Variants in KMT2A observed in about 807,000 individuals in gnomAD.
KMT2A encodes lysine methyltransferase 2A, also known as histone-lysine N-methyltransferase 2A.
In KMT2A, 16 loss-of-function variants were observed where a neutral mutation model predicts 345.3. The ratio of observed to expected loss-of-function variants is 0.05; its 90% CI spans 0.03 to 0.07. The LOEUF (loss-of-function observed/expected upper bound fraction) is 0.07, where lower values mean the gene tolerates loss of function less well. KMT2A is among the 10% of genes least tolerant of loss of function. The pLI is 1.00. For synonymous variants in KMT2A, 1,599 were observed against 1,778.6 expected, an observed-to-expected ratio of 0.90 and a Z score of 2.54; for missense variants, 3,272 against 4,841.6, an observed-to-expected ratio of 0.68 and a Z score of 9.62.
intron 11 of KMT2A, among the ~76,000 whole-genome samples, chr11:118,489,050 C>T (rs953546690): frequency 2.0e-5 from 3 of 151,834 alleles, no homozygotes; most frequent in Non-Finnish European, 4.4e-5. Context: ...GGTGAAACCC[C>T]ATCTCTACTA....
chr11:118,448,782 G>C (rs887303558), intron 1 of KMT2A: 1 of 152,108 alleles, frequency 6.6e-6, no homozygotes, highest in Admixed American at 6.6e-5. Context: ...AAATGCCTGG[G>C]GTTCATAGGT....
At chr11:118,474,432 G>A in intron 3 of KMT2A, 117 bp downstream of exon 3, 3 of 1,290,486 alleles carry the variant, frequency 2.3e-6, no homozygotes, top group Admixed American at 5.5e-5. Context: ...AAAGTATGGT[G>A]GAGGCAGTGG....
chr11:118,510,531 T>G lies in KMT2A; in HGVS notation c.11071+413T>G, dbSNP rs1950665557. On this transcript the variant is annotated intron_variant, in intron 30 of 35. Transcript: ENST00000534358. The surrounding 1 kb of genome is among the most constrained non-coding windows in gnomAD (Gnocchi z 4.1). ...TCCAGCTCACCCTTCAAGATCCAGCTCAGACGGTCTTCCCTGACCTTCTGA... is the reference window on the plus strand; with the variant it reads ...TCCAGCTCACCCTTCAAGATCCAGCGCAGACGGTCTTCCCTGACCTTCTGA... Among the ~76,000 whole-genome samples, 1 of 152,144 alleles carries G rather than the reference T, an allele frequency of 6.6e-6. No homozygotes were observed. The highest frequency in any genetic ancestry group is 2.4e-5 in the African/African-American group (1 of 41,414).
At position 118,501,035 on chromosome 11, in the gene KMT2A, A is replaced by G. The variant is rs781851230; in HGVS notation, c.6207A>G (p.Val2069=). The G allele has an allele frequency of 1.9e-6, 3 of 1,614,000 alleles. 1 individual carries two copies. In the South Asian group the frequency reaches 3.3e-5, roughly 18 times the overall value. ...WSTTDARKRC[V]YTCKIVECRP... is the part of the protein sequence containing the mutation. Reference sequence around the variant, plus strand: ...CCACAGATGCTCGCAAGCGCTGTGTATATACATGCAAGATAGTGGAGTGCC... The same window carrying G: ...CCACAGATGCTCGCAAGCGCTGTGTGTATACATGCAAGATAGTGGAGTGCC... The change falls in exon 25 of 36, where the codon GTA becomes GTG. Residue 2069 remains valine (V), a synonymous_variant. Transcript: ENST00000534358.
In KMT2A at chr11:118,484,339, G is replaced by C. The variant is rs188216921; in HGVS notation, c.4218+25G>C. ...GGTAAAGGTGTTCAGTGATCATAAAGTATATTGAGTGTCAAAGACTTTAAA... is the reference window on the plus strand; with the variant it reads ...GGTAAAGGTGTTCAGTGATCATAAACTATATTGAGTGTCAAAGACTTTAAA... On this transcript the variant is annotated intron_variant, in intron 9 of 35. Coordinates refer to ENST00000534358, the MANE Select transcript of KMT2A (RefSeq NM_001197104.2). This position sits in a 1 kb window ranked among gnomAD's most constrained non-coding sequence, Gnocchi z 4.1. 7 of 1,609,838 alleles carry C rather than the reference G, an allele frequency of 4.3e-6. No homozygotes were observed. The highest frequency in any genetic ancestry group is 5.1e-6 in the Non-Finnish European group (6 of 1,178,038).
chr11:118,489,353 A>G (rs1950288499), intron 11 of KMT2A, among the ~76,000 whole-genome samples: 1 of 152,122 alleles, frequency 6.6e-6, no homozygotes, highest in Non-Finnish European at 1.5e-5. Flanking sequence ...GGGTCCTGGA[A>G]CCAATCCCCC....
At chr11:118,464,462 G>A (rs1949803667) in intron 1 of KMT2A, among the ~76,000 whole-genome samples, 1 of 151,492 alleles carries the variant, frequency 6.6e-6, no homozygotes, top group African/African-American at 2.4e-5. Context: ...TTGAACCCAA[G>A]AGGCAGAGGT....
At chr11:118,483,369 A>T (rs955195050) in intron 8 of KMT2A, among the ~76,000 whole-genome samples, 15 of 136 alleles carry the variant, frequency 0.11, no homozygotes, top group Admixed American at 0.4. Flanking sequence ...TGTCTCTACT[A>T]AAAATACAAA....
chr11:118,484,456 C>G lies in KMT2A; in HGVS notation c.4218+142C>G, dbSNP rs972393806. On this transcript the variant is annotated intron_variant, in intron 9 of 35. Transcript: ENST00000534358. The surrounding 1 kb of genome is among the most constrained non-coding windows in gnomAD (Gnocchi z 4.1). The stretch of plus-strand genomic sequence containing the variant: ...AACTCCCATTAGCAGGTGGGTTTAG[C>G]GCTGGGAGAGCTTTGGTCAGTGTTG... The G allele has an allele frequency of 1.2e-6, 1 of 816,390 alleles. No homozygotes were observed. 50.6% of individuals were successfully genotyped at this position (816,390 alleles called of 1,614,324 possible). A position where few individuals can be genotyped will look rare whatever the true frequency, so the allele number is the denominator to read the frequency against.
rs782128844 is a variant in KMT2A, at chr11:118,505,676, C to A, written c.9784C>A (p.Pro3262Thr). The change falls in exon 27 of 36, where the codon CCC (proline) becomes ACC (threonine). Residue 3262 changes from proline (P) to threonine (T), a missense_variant. Pro to Thr is a conservative substitution (Grantham distance 38). Coordinates refer to ENST00000534358, the MANE Select transcript of KMT2A (RefSeq NM_001197104.2). The surrounding 1 kb of genome is among the most constrained non-coding windows in gnomAD (Gnocchi z 4.6). The part of the protein sequence containing the change: ...VSNMTLINFT[P>T]SQLPNHPSLL... ...TAATATGACATTGATTAACTTCACA[C>A]CCTCCCAGCTTCCTAATCATCCAAG... 1 of 1,614,074 alleles carries A rather than the reference C, an allele frequency of 6.2e-7. No individual in the cohort carries two copies. Among genetic ancestry groups the A allele is most frequent in the Non-Finnish European group, 8.5e-7 (1 of 1,180,040 alleles).
Position 118,477,074 on chromosome 11 carries a change from G to A in KMT2A, c.3334+92G>A, listed in dbSNP as rs543885239. 9.0e-5 allele frequency: 109 copies of A among 1,216,592 alleles called. 1 individual carries two copies. The South Asian group carries it at 1.3e-3, about 14-fold the overall frequency. The allele number at this position is 1,216,592 out of a possible 1,614,324, so 75.4% of individuals were successfully genotyped here. A position where few individuals can be genotyped will look rare whatever the true frequency, so the allele number is the denominator to read the frequency against. Reference sequence around the variant, plus strand: ...ATGCCCAGTAGGCTCTTCATAGTTAGTAGGTCCTCTGAAAAACAGATGGCA... The same window carrying A: ...ATGCCCAGTAGGCTCTTCATAGTTAATAGGTCCTCTGAAAAACAGATGGCA... On this transcript the variant is annotated intron_variant, in intron 4 of 35. Coordinates refer to ENST00000534358, the MANE Select transcript of KMT2A (RefSeq NM_001197104.2).
rs1950428389 is a variant in KMT2A at position 118,497,481 on chromosome 11, G to A, written c.5665-455G>A. On this transcript the variant is annotated intron_variant, in intron 20 of 35. Coordinates refer to ENST00000534358, the MANE Select transcript of KMT2A (RefSeq NM_001197104.2). The surrounding 1 kb of genome is among the most constrained non-coding windows in gnomAD (Gnocchi z 4.8). ...CATGCTTTTGGCTCACTGCAATCTC[G>A]GCTTCCGGGGCTCAAGTGATCCTCC... Among the ~76,000 whole-genome samples the A allele has an allele frequency of 6.6e-6, 1 of 151,868 alleles. No individual in the cohort carries two copies. Among genetic ancestry groups the A allele is most frequent in the Non-Finnish European group, 1.5e-5 (1 of 67,968 alleles).
At position 118,491,995 on chromosome 11, in the gene KMT2A, T is replaced by G; in HGVS notation, c.5004+67T>G. 1 of 1,117,348 alleles carries G rather than the reference T, an allele frequency of 8.9e-7. No individual in the cohort carries two copies. Among genetic ancestry groups the G allele is most frequent in the Admixed American group, 2.5e-5 (1 of 40,582 alleles). The allele number at this position is 1,117,348 out of a possible 1,614,324, so 69.2% of individuals were successfully genotyped here. Reference sequence around the variant, plus strand: ...TAGTCTTTACCTAGTGTTTTTCTTTTGTTTTACTTCATTCTCCTCACTTAA... The same window carrying G: ...TAGTCTTTACCTAGTGTTTTTCTTTGGTTTTACTTCATTCTCCTCACTTAA... On this transcript the variant is annotated intron_variant, in intron 15 of 35. Transcript: ENST00000534358. The surrounding 1 kb of genome is among the most constrained non-coding windows in gnomAD (Gnocchi z 4.2).
Position 118,495,162 on chromosome 11 carries a change from TTA to T in KMT2A, c.5363+397_5363+398del, listed in dbSNP as rs1453495215. Among the ~76,000 whole-genome samples, 233 of 151,448 alleles carry T rather than the reference TTA, an allele frequency of 1.5e-3. No individual in the cohort carries two copies. The highest frequency in any genetic ancestry group is 5.5e-3 in the African/African-American group (225 of 41,208). ...TTTTGATTTGATTTTATTTATTTAT[TTA>T]TTTTTTTTTTTTTGAGACGGAGTCT... On this transcript the variant is annotated intron_variant, in intron 18 of 35. Coordinates refer to ENST00000534358, the MANE Select transcript of KMT2A (RefSeq NM_001197104.2). The surrounding 1 kb of genome is among the most constrained non-coding windows in gnomAD (Gnocchi z 4.1).
intron 1 of KMT2A, among the ~76,000 whole-genome samples, chr11:118,465,779 A>G (rs1949832979): frequency 6.6e-6 from 1 of 152,136 alleles, no homozygotes; most frequent in Admixed American, 6.5e-5. Context: ...TCCTCAAAAT[A>G]TATTTTAGGG....
At chr11:118,440,918 A>G (rs974565468) in intron 1 of KMT2A, among the ~76,000 whole-genome samples, 1 of 151,850 alleles carries the variant, frequency 6.6e-6, no homozygotes, top group Admixed American at 6.6e-5. Flanking sequence ...AGTGGAGTGC[A>G]CGAAGCCTCC....
In KMT2A at chr11:118,484,789, C is replaced by T; in HGVS notation, c.4219-73C>T. On this transcript the variant is annotated intron_variant, in intron 9 of 35. Coordinates refer to ENST00000534358, the MANE Select transcript of KMT2A (RefSeq NM_001197104.2). The surrounding 1 kb of genome is among the most constrained non-coding windows in gnomAD (Gnocchi z 4.1). Reference sequence around the variant, plus strand: ...ATTGTGATGTCACACTAATTTTATGCTTTTCATCCTTATTTTCCATCCAAA... The same window carrying T: ...ATTGTGATGTCACACTAATTTTATGTTTTTCATCCTTATTTTCCATCCAAA... 1 of 979,018 alleles carries T rather than the reference C, an allele frequency of 1.0e-6. No individual in the cohort carries two copies. The highest frequency in any genetic ancestry group is 1.6e-6 in the Non-Finnish European group (1 of 609,850). 60.6% of individuals were successfully genotyped at this position (979,018 alleles called of 1,614,324 possible).
At chr11:118,442,445 A>G (rs1297863784) in intron 1 of KMT2A, among the ~76,000 whole-genome samples, 1 of 152,220 alleles carries the variant, frequency 6.6e-6, no homozygotes, top group African/African-American at 2.4e-5. Flanking sequence ...TCACTGTTAC[A>G]AAGTATTTCC....
At position 118,520,078 on chromosome 11, in the gene KMT2A, G is replaced by C. The variant is rs782359380; in HGVS notation, c.11429+14G>C. 6.4e-7 allele frequency: 1 copy of C among 1,567,412 alleles called. No individual in the cohort carries two copies. Among genetic ancestry groups the C allele is most frequent in the Non-Finnish European group, 8.8e-7 (1 of 1,138,600 alleles). On this transcript the variant is annotated intron_variant, in intron 33 of 35. Coordinates refer to ENST00000534358, the MANE Select transcript of KMT2A (RefSeq NM_001197104.2). This position sits in a 1 kb window ranked among gnomAD's most constrained non-coding sequence, Gnocchi z 4.3. ...GAAGTCAGCTCGGTAAGTCTTGAGT[G>C]GGGAGCAGTCATTAGAAACTGCTTT...
Sources: allele counts gnomAD v4.1 joint callset (sites outside exome capture counted in the v4.1 genomes callset), GRCh38; gene constraint gnomAD v4.1.1; non-coding constraint Gnocchi (gnomAD v3.1); transcripts MANE v1.5; gene names NCBI Gene and HGNC (gene_info 2026-07-23, HGNC 2026-07-21).